Variants in CGAS observed in about 807,000 individuals in gnomAD.
CGAS encodes 2'3'-cGAMP synthase.
CGAS carries 31 observed loss-of-function variants against 34.0 expected under a neutral mutation model. The observed-to-expected ratio is 0.91, with a 90% CI of 0.69 to 1.23. The LOEUF (loss-of-function observed/expected upper bound fraction) is 1.23, where lower values mean the gene tolerates loss of function less well. CGAS is among the 50% of genes most tolerant of loss of function. The pLI, the probability that CGAS is intolerant of heterozygous loss-of-function variation, is 0.00. For synonymous variants in CGAS, 266 were observed against 260.0 expected, an observed-to-expected ratio of 1.02 and a Z score of -0.22; for missense variants, 597 against 657.6, an observed-to-expected ratio of 0.91 and a Z score of 1.01.
At position 73,425,188 on chromosome 6, in the gene CGAS, G is replaced by C; in HGVS notation, c.*39C>G. On this transcript the variant is annotated 3_prime_UTR_variant, in exon 5 of 5. Coordinates refer to ENST00000370315, the MANE Select transcript of CGAS (RefSeq NM_138441.3). Reference sequence around the variant, plus strand: ...TTTTTCTTGTATTCTCCAGGATTTAGGGTGACTCTAGTTCTTAGATCTTTC... The same window carrying C: ...TTTTTCTTGTATTCTCCAGGATTTACGGTGACTCTAGTTCTTAGATCTTTC... 1 of 1,416,144 alleles carries C rather than the reference G, an allele frequency of 7.1e-7. No individual in the cohort carries two copies. The highest frequency in any genetic ancestry group is 9.5e-7 in the Non-Finnish European group (1 of 1,050,172). 87.7% of individuals were successfully genotyped at this position (1,416,144 alleles called of 1,614,324 possible).
chr6:73,426,144 G>A lies in CGAS; in HGVS notation c.1218-566C>T, dbSNP rs531314797. Among the ~76,000 whole-genome samples the A allele has an allele frequency of 1.8e-4, 27 of 151,324 alleles. No individual in the cohort carries two copies. In the East Asian group the frequency reaches 4.3e-3, roughly 24 times the overall value. On this transcript the variant is annotated intron_variant, in intron 4 of 4. Transcript: ENST00000370315. ...CTAAAAATACAAAAATTAGCCAGGT[G>A]TGGTGGCGTGCACCTATAATCCCAG... is the stretch of plus-strand genomic sequence containing the variant.
Position 73,425,597 on chromosome 6 carries a change from A to T in CGAS, c.1218-19T>A, listed in dbSNP as rs1770072753. The T allele has an allele frequency of 6.7e-7, 1 of 1,495,064 alleles. No individual in the cohort carries two copies. Among genetic ancestry groups the T allele is most frequent in the Non-Finnish European group, 9.1e-7 (1 of 1,100,354 alleles). 92.6% of individuals were successfully genotyped at this position (1,495,064 alleles called of 1,614,324 possible). A position where few individuals can be genotyped will look rare whatever the true frequency, so the allele number is the denominator to read the frequency against. On this transcript the variant is annotated intron_variant, in intron 4 of 4. Coordinates refer to ENST00000370315, the MANE Select transcript of CGAS (RefSeq NM_138441.3). ...ATCTTTCCTGTTGAATAAAAAAGGA[A>T]AACACTTATTTTTACTTATTTACAT...
chr6:73,427,481 G>C lies in CGAS; in HGVS notation c.1217+1228C>G, dbSNP rs9442908. ...CGCCCAGCTAATTTTTGTATTTTTA[G>C]TAGAGACGGGGTTTCGCCACGTAGG... On this transcript the variant is annotated intron_variant, in intron 4 of 4. Transcript: ENST00000370315. 3.7e-3 allele frequency among the ~76,000 whole-genome samples: 563 copies of C among 150,528 alleles called. 6 individuals are homozygous for C. Among genetic ancestry groups the C allele is most frequent in the African/African-American group, 0.013 (518 of 40,952 alleles).
intron 1 of CGAS, among the ~76,000 whole-genome samples, chr6:73,451,125 C>T (rs1451728761): frequency 6.6e-6 from 1 of 151,920 alleles, no homozygotes; most frequent in Non-Finnish European, 1.5e-5. Context: ...AAGAGGTCTT[C>T]CTCATAGGAA....
rs1770353851 is a variant in CGAS, at chr6:73,440,273, C to T, written c.1050G>A (p.Lys350=). Residue 350 remains lysine (K), a synonymous_variant, in exon 3 of 5, where the codon AAG becomes AAA. Coordinates refer to ENST00000370315, the MANE Select transcript of CGAS (RefSeq NM_138441.3). ...GGTAAAATGGCTTTAGTCGTAGTTG[C>T]TTCCTAACTTTTGCTGAAAGCCAGT... The part of the protein sequence containing the change: ...IQNWLSAKVR[K]QLRLKPFYLV... 6.2e-7 allele frequency: 1 copy of T among 1,614,192 alleles called. No homozygotes were observed. Among genetic ancestry groups the T allele is most frequent in the African/African-American group, 1.3e-5 (1 of 75,062 alleles).
chr6:73,450,234 T>C (rs975353236), intron 1 of CGAS, among the ~76,000 whole-genome samples: 2 of 151,624 alleles, frequency 1.3e-5, no homozygotes, highest in Non-Finnish European at 2.9e-5. Flanking sequence ...CTGACCAACA[T>C]GGAGAAAGCC....
At chr6:73,427,431 C>T (rs557996095) in intron 4 of CGAS, among the ~76,000 whole-genome samples, 3 of 151,870 alleles carry the variant, frequency 2.0e-5, no homozygotes, top group East Asian at 1.9e-4. Flanking sequence ...TCCTGAGTAG[C>T]GGGGATTACA....
At chr6:73,443,354 T>G (rs1770415265) in intron 2 of CGAS, among the ~76,000 whole-genome samples, 1 of 147,748 alleles carries the variant, frequency 6.8e-6, no homozygotes, top group Non-Finnish European at 1.5e-5. Context: ...ATTCTCTGCC[T>G]CAGCCTCCCA....
chr6:73,429,481 A>G (rs759691439), intron 3 of CGAS, among the ~76,000 whole-genome samples: 14 of 152,144 alleles, frequency 9.2e-5, no homozygotes, highest in Non-Finnish European at 1.9e-4. Flanking sequence ...TTAATACAAA[A>G]TGAATTGGGG....
At chr6:73,441,088 T>C (rs1336814471) in intron 2 of CGAS, among the ~76,000 whole-genome samples, 1 of 150,812 alleles carries the variant, frequency 6.6e-6, no homozygotes, top group African/African-American at 2.4e-5. Flanking sequence ...TTTTCTTTTT[T>C]TTTTTTTTTG....
In CGAS at chr6:73,440,573, A is replaced by G. The variant is rs145899187; in HGVS notation, c.878-128T>C. ...AGTATGAAGTAAACATTAGTGGTAA[A>G]ACAGAAACTGGCTCTAAAAGGCAAA... On this transcript the variant is annotated intron_variant, in intron 2 of 4. Coordinates refer to ENST00000370315, the MANE Select transcript of CGAS (RefSeq NM_138441.3). 8.2e-5 allele frequency: 70 copies of G among 858,680 alleles called. No individual in the cohort carries two copies. The East Asian group carries it at 1.7e-3, about 21-fold the overall frequency. 53.2% of individuals were successfully genotyped at this position (858,680 alleles called of 1,614,324 possible). A position where few individuals can be genotyped will look rare whatever the true frequency, so the allele number is the denominator to read the frequency against.
intron 3 of CGAS, among the ~76,000 whole-genome samples, chr6:73,437,598 C>T (rs1026142101): frequency 6.6e-6 from 1 of 152,118 alleles, no homozygotes; most frequent in Non-Finnish European, 1.5e-5. Flanking sequence ...GCCACTGCGC[C>T]TGGCTGAACA....
rs78578389 is a variant in CGAS, at chr6:73,440,408, G to T, written c.915C>A (p.Ser305Arg). The stretch of plus-strand genomic sequence containing the variant: ...CACTAATAAGAAGTGTTACAGCAGG[G>T]CTCCCTCCTCTTTTCCTCTTCATGA... ...DVIMKRKRGG[S>R]PAVTLLISEK... The change falls in exon 3 of 5, where the codon AGC becomes AGA. Residue 305 changes from serine to arginine, a missense_variant. This residue lies in a region of CGAS where 271 missense variants were observed against 324.1 expected (regional missense o/e 0.84). Transcript: ENST00000370315. 2 of 1,613,970 alleles carry T rather than the reference G, an allele frequency of 1.2e-6. No individual in the cohort carries two copies. The highest frequency in any genetic ancestry group is 8.5e-7 in the Non-Finnish European group (1 of 1,179,980).
At chr6:73,432,664 T>C (rs1189679169) in intron 3 of CGAS, among the ~76,000 whole-genome samples, 4 of 152,104 alleles carry the variant, frequency 2.6e-5, no homozygotes, top group African/African-American at 9.7e-5. Flanking sequence ...TTTTGTCACG[T>C]GGCCCAGGCT....
chr6:73,448,827 C>T (rs1283116297), intron 1 of CGAS, among the ~76,000 whole-genome samples: 2 of 152,100 alleles, frequency 1.3e-5, no homozygotes, highest in Non-Finnish European at 2.9e-5. Context: ...TAGTGGCTCA[C>T]GCCTGTAATC....
At chr6:73,430,049 G>A (rs370761814) in intron 3 of CGAS, among the ~76,000 whole-genome samples, 40 of 151,698 alleles carry the variant, frequency 2.6e-4, no homozygotes, top group Middle Eastern at 3.4e-3. Flanking sequence ...TCCTATAGTC[G>A]TTCATCATTA....
chr6:73,425,558 A>G lies in CGAS; in HGVS notation c.1238T>C (p.Met413Thr). The G allele has an allele frequency of 6.3e-7, 1 of 1,590,500 alleles. No individual in the cohort carries two copies. The highest frequency in any genetic ancestry group is 1.1e-5 in the South Asian group (1 of 87,186). Residue 413 changes from methionine to threonine, a missense_variant, in exon 5 of 5, where the codon ATG becomes ACG. Met to Thr is a moderately conservative substitution (Grantham distance 81). Coordinates refer to ENST00000370315, the MANE Select transcript of CGAS (RefSeq NM_138441.3). Reference sequence around the variant, plus strand: ...TTTCAGCTGTTCTAAAAGGTATTTCATTAGTTTTAAACAATCTTTCCTGTT... The same window carrying G: ...TTTCAGCTGTTCTAAAAGGTATTTCGTTAGTTTTAAACAATCTTTCCTGTT... ...KCCRKDCLKL[M>T]KYLLEQLKER...
intron 3 of CGAS, among the ~76,000 whole-genome samples, chr6:73,432,407 C>T (rs1202158825): frequency 6.6e-6 from 1 of 151,874 alleles, no homozygotes; most frequent in East Asian, 1.9e-4. Flanking sequence ...GTGACCCACC[C>T]GCCTTGGCCT....
Position 73,452,060 on chromosome 6 carries a change from G to A in CGAS, c.122C>T (p.Pro41Leu), listed in dbSNP as rs1357735901. 6.5e-7 allele frequency: 1 copy of A among 1,531,922 alleles called. No homozygotes were observed. The highest frequency in any genetic ancestry group is 8.8e-7 in the Non-Finnish European group (1 of 1,138,998). The allele number at this position is 1,531,922 out of a possible 1,614,324, so 94.9% of individuals were successfully genotyped here. A position where few individuals can be genotyped will look rare whatever the true frequency, so the allele number is the denominator to read the frequency against. Reference sequence around the variant, plus strand: ...TCCCGCCTTAGGCAGGGCGGCCTCGGGGGCAGCCGGAGACTCGGTGGGATC... The same window carrying A: ...TCCCGCCTTAGGCAGGGCGGCCTCGAGGGCAGCCGGAGACTCGGTGGGATC... ...PMDPTESPAA[P>L]EAALPKAGKF... Residue 41 changes from proline (P) to leucine (L), a missense_variant, in exon 1 of 5, where the codon CCC becomes CTC. This residue lies in a region of CGAS where 321 missense variants were observed against 314.3 expected (regional missense o/e 1.02). Coordinates refer to ENST00000370315, the MANE Select transcript of CGAS (RefSeq NM_138441.3).
Sources: gnomAD v4.1 joint callset for allele counts (sites outside exome capture counted in the v4.1 genomes callset) on GRCh38, gnomAD v4.1.1 for gene constraint, gnomAD v4.1.1 regional missense constraint, MANE v1.5 for transcripts, NCBI Gene and HGNC (gene_info 2026-07-23, HGNC 2026-07-21) for gene names.